Variants in ASB1 observed in about 807,000 individuals in gnomAD.
ASB1 encodes the protein ankyrin repeat and SOCS box protein 1.
In ASB1, 18 loss-of-function variants were observed where a neutral mutation model predicts 27.7. The observed-to-expected ratio is 0.65, with a 90% confidence interval of 0.45 to 0.96. The LOEUF (loss-of-function observed/expected upper bound fraction) is 0.96, where lower values mean the gene tolerates loss of function less well. Ranked by LOEUF, ASB1 falls within the 50% of genes least tolerant of loss-of-function variation. ASB1 has a pLI of 0.00. For synonymous variants in ASB1, 189 were observed against 187.6 expected (o/e 1.01, Z -0.06); for missense variants, 397 against 451.7 (o/e 0.88, Z 1.10).
At chr2:238,441,839 C>T (rs769053576) in intron 3 of ASB1, among the ~76,000 whole-genome samples, 20 of 152,288 alleles carry the variant, frequency 1.3e-4, no homozygotes, top group Middle Eastern at 3.4e-3. Flanking sequence ...AAATAGATCC[C>T]GAGCAGTGTG....
chr2:238,449,971 A>G lies in ASB1; in HGVS notation c.*3460A>G, dbSNP rs547034226. 2.6e-5 allele frequency: 4 copies of G among 152,060 alleles called. No homozygotes were observed. Among genetic ancestry groups the G allele is most frequent in the Admixed American group, 1.3e-4 (2 of 15,280 alleles). 9.4% of individuals were successfully genotyped at this position (152,060 alleles called of 1,614,324 possible). A position where few individuals can be genotyped will look rare whatever the true frequency, so the allele number is the denominator to read the frequency against. ...TCCGTGCGGCCTTGGCCACATCCCT[A>G]TTAACAGAGGCAGCTCCACTTCAGA... is the stretch of plus-strand genomic sequence containing the variant. On this transcript the variant is annotated 3_prime_UTR_variant, in exon 5 of 5. Transcript: ENST00000264607.
chr2:238,432,541 C>A (rs1257674439), intron 1 of ASB1, among the ~76,000 whole-genome samples: 1 of 152,170 alleles, frequency 6.6e-6, no homozygotes, highest in Non-Finnish European at 1.5e-5. Context: ...TTGCCCAGGG[C>A]AGCGTGGGAG....
At position 238,444,526 on chromosome 2, in the gene ASB1, AAC is replaced by A; in HGVS notation, c.685_686del (p.Gln229GlyfsTer20). 6.2e-7 allele frequency: 1 copy of A among 1,614,146 alleles called. No homozygotes were observed. Among genetic ancestry groups the A allele is most frequent in the Non-Finnish European group, 8.5e-7 (1 of 1,180,014 alleles). On this transcript the variant is annotated frameshift_variant, in exon 4 of 5. Transcript: ENST00000264607. LOFTEE classifies it high-confidence loss of function. Reference protein sequence around the residue: ...NPDFNCNGPVNTQGFYRGSPG... With the variant: ...NPDFNCNGPVXTQGFYRGSPG... The stretch of plus-strand genomic sequence containing the variant: ...TGACTTCAACTGCAATGGTCCTGTC[AAC>A]ACACAGGGATTCTACAGGGGCTCCC...
chr2:238,446,595 G>T lies in ASB1; in HGVS notation c.*84G>T. The T allele has an allele frequency of 1.3e-6, 2 of 1,540,968 alleles. No individual in the cohort carries two copies. The highest frequency in any genetic ancestry group is 1.1e-5 in the South Asian group (1 of 89,438). On this transcript the variant is annotated 3_prime_UTR_variant, in exon 5 of 5. Coordinates refer to ENST00000264607, the MANE Select transcript of ASB1 (RefSeq NM_001040445.3). The stretch of plus-strand genomic sequence containing the variant: ...ACCGAGCCCTGAGTGCTGTGCTGCT[G>T]CTGGTCTCCTGATGGCTGTTGCTGC...
Position 238,435,914 on chromosome 2 carries a change from A to T in ASB1, c.395A>T (p.Glu132Val). 1 of 1,614,208 alleles carries T rather than the reference A, an allele frequency of 6.2e-7. No individual in the cohort carries two copies. Among genetic ancestry groups the T allele is most frequent in the Non-Finnish European group, 8.5e-7 (1 of 1,180,034 alleles). The change falls in exon 3 of 5, where the codon GAA (glutamate) becomes GTA (valine). Residue 132 changes from glutamate to valine, a missense_variant. Coordinates refer to ENST00000264607, the MANE Select transcript of ASB1 (RefSeq NM_001040445.3). Reference protein sequence around the residue: ...GHLESTQILLEAGADPNGSRH... With the variant: ...GHLESTQILLVAGADPNGSRH... ...CTAGAGAGTACCCAGATCCTTCTCGAAGCTGGCGCGGACCCCAACGGAAGC... is the reference window on the plus strand; with the variant it reads ...CTAGAGAGTACCCAGATCCTTCTCGTAGCTGGCGCGGACCCCAACGGAAGC...
At chr2:238,436,044 C>T (rs775521854) in intron 3 of ASB1, 31 bp downstream of exon 3, 17 of 1,528,630 alleles carry the variant, frequency 1.1e-5, no homozygotes, top group Non-Finnish European at 1.4e-5. Flanking sequence ...CTGGCTCCTG[C>T]AGCCACTTTA....
intron 4 of ASB1, 65 bp downstream of exon 4, chr2:238,444,792 A>G (rs911799248): frequency 5.4e-6 from 8 of 1,495,278 alleles, no homozygotes; most frequent in African/African-American, 2.8e-5. Flanking sequence ...AGATGTAGCA[A>G]TAAACAAAAA....
rs1022667873 is a variant in ASB1, at chr2:238,448,139, G to C, written c.*1628G>C. On this transcript the variant is annotated 3_prime_UTR_variant, in exon 5 of 5. Transcript: ENST00000264607. ...TGGGATTGGGTCCTGCTGAAGCCAG[G>C]AGGGTCTTCCCAAGATAGGAGAGGA... The C allele has an allele frequency of 1.3e-5, 2 of 152,534 alleles. No individual in the cohort carries two copies. The highest frequency in any genetic ancestry group is 3.4e-3 in the Middle Eastern group (1 of 298). The allele number at this position is 152,534 out of a possible 1,614,324, so 9.4% of individuals were successfully genotyped here.
intron 3 of ASB1, among the ~76,000 whole-genome samples, chr2:238,436,774 C>CTTTT (rs66960467): frequency 1.5e-4 from 22 of 147,096 alleles, no homozygotes; most frequent in African/African-American, 4.7e-4. Flanking sequence ...CTCTCTCTCT[C>CTTTT]TTTTTTTTTT....
At chr2:238,431,040 T>A (rs936333597) in intron 1 of ASB1, among the ~76,000 whole-genome samples, 3 of 152,390 alleles carry the variant, frequency 2.0e-5, no homozygotes, top group African/African-American at 7.2e-5. Context: ...GAGAGTCAGC[T>A]TGTCCTTTAA....
chr2:238,444,744 C>T lies in ASB1; in HGVS notation c.880+17C>T. The T allele has an allele frequency of 6.3e-7, 1 of 1,588,874 alleles. No individual in the cohort carries two copies. ...AGGCCAGAAGTAAGTGGCTTGAGTT[C>T]AGCTCTGACTTGTGGGCTGGGTTGA... On this transcript the variant is annotated intron_variant, in intron 4 of 4. Transcript: ENST00000264607.
intron 3 of ASB1, among the ~76,000 whole-genome samples, chr2:238,444,029 G>A (rs1290487457): frequency 2.6e-5 from 4 of 152,230 alleles, no homozygotes; most frequent in Non-Finnish European, 5.9e-5. Flanking sequence ...AGTTTCATCA[G>A]ATGAATTTGT....
At chr2:238,435,673 G>A (rs368990349) in intron 2 of ASB1, 38 bp from the exon 3 acceptor site, 62 of 1,578,878 alleles carry the variant, frequency 3.9e-5, no homozygotes, top group Middle Eastern at 3.4e-4. Flanking sequence ...CCTGTCCTGC[G>A]GCTGCCTCTC....
At chr2:238,433,402 C>T (rs1402487475) in intron 1 of ASB1, 152 bp from the exon 2 acceptor site, 15 of 896,694 alleles carry the variant, frequency 1.7e-5, no homozygotes, top group Admixed American at 5.2e-5. Flanking sequence ...GGATTACAGG[C>T]GTGCCACCAT....
chr2:238,427,000 T>C lies in ASB1; in HGVS notation c.-71T>C. ...CCATTGCCCTCGGCGCCGGAAGTGG[T>C]CGCGGGTCGTTCTGCTTCCTGCCCG... is the stretch of plus-strand genomic sequence containing the variant. On this transcript the variant is annotated 5_prime_UTR_variant, in exon 1 of 5. Coordinates refer to ENST00000264607, the MANE Select transcript of ASB1 (RefSeq NM_001040445.3). The C allele has an allele frequency of 8.4e-7, 1 of 1,188,246 alleles. No homozygotes were observed. Among genetic ancestry groups the C allele is most frequent in the Non-Finnish European group, 1.1e-6 (1 of 948,498 alleles). 73.6% of individuals were successfully genotyped at this position (1,188,246 alleles called of 1,614,324 possible). A position where few individuals can be genotyped will look rare whatever the true frequency, so the allele number is the denominator to read the frequency against.
chr2:238,427,261 G>C (rs1701775913), intron 1 of ASB1, 142 bp downstream of exon 1: 7 of 553,902 alleles, frequency 1.3e-5, no homozygotes, highest in Non-Finnish European at 1.9e-5. Flanking sequence ...CTGCAGGCCG[G>C]GGGTGGGGTT....
intron 2 of ASB1, 57 bp from the exon 3 acceptor site, chr2:238,435,654 C>T: frequency 3.9e-6 from 6 of 1,534,554 alleles, no homozygotes; most frequent in Non-Finnish European, 5.3e-6. Context: ...GGGGGCAGTG[C>T]AGCCCGTCCC....
At chr2:238,441,690 G>A (rs1438924006) in intron 3 of ASB1, among the ~76,000 whole-genome samples, 2 of 152,226 alleles carry the variant, frequency 1.3e-5, no homozygotes, top group South Asian at 2.1e-4. Context: ...GCGTGGCGTT[G>A]TGCAGATGAG....
Position 238,446,885 on chromosome 2 carries a change from A to C in ASB1, c.*374A>C. 1 of 200,986 alleles carries C rather than the reference A, an allele frequency of 5.0e-6. No homozygotes were observed. The allele number at this position is 200,986 out of a possible 1,614,324, so 12.5% of individuals were successfully genotyped here. ...CTTCTCTTTATTTTTCTACTTCTCA[A>C]TTTGATGGTTCGATTAAAGCCTTCT... is the stretch of plus-strand genomic sequence containing the variant. On this transcript the variant is annotated 3_prime_UTR_variant, in exon 5 of 5. Coordinates refer to ENST00000264607, the MANE Select transcript of ASB1 (RefSeq NM_001040445.3).
Sources: allele counts gnomAD v4.1 joint callset (sites outside exome capture counted in the v4.1 genomes callset), GRCh38; gene constraint gnomAD v4.1.1; transcripts MANE v1.5; gene names NCBI Gene and HGNC (gene_info 2026-07-23, HGNC 2026-07-21).